Variants in COL21A1 observed in about 807,000 individuals in gnomAD.
COL21A1 encodes the protein collagen alpha-1(XXI) chain.
A neutral mutation model predicts 137.9 loss-of-function variants in COL21A1; 149 were observed. The ratio of observed to expected loss-of-function variants is 1.08; its 90% CI spans 0.95 to 1.24. The LOEUF is 1.24. Among genes scored for constraint, COL21A1 ranks in the 50% most tolerant of loss-of-function variants. The pLI is 0.00. For synonymous variants in COL21A1, 456 were observed against 391.5 expected (o/e 1.16, Z -1.95); for missense variants, 1,167 against 1,158.4 (o/e 1.01, Z -0.11).
In COL21A1 at chr6:56,166,070, TCAA is replaced by T. The variant is rs137887987; in HGVS notation, c.1278+833_1278+835del. Among the ~76,000 whole-genome samples the T allele has an allele frequency of 8.2e-3, 1,250 of 152,134 alleles. 20 individuals are homozygous for T. Among genetic ancestry groups the T allele is most frequent in the African/African-American group, 0.029 (1,202 of 41,510 alleles). ...ACTATAATAAATTTTTACTTAAATATCAACAACAAGAAAAGTATCTATTCATTA... is the reference window on the plus strand; with the variant it reads ...ACTATAATAAATTTTTACTTAAATATCAACAAGAAAAGTATCTATTCATTA... On this transcript the variant is annotated intron_variant, in intron 7 of 29. Transcript: ENST00000244728.
intron 1 of COL21A1, among the ~76,000 whole-genome samples, chr6:56,337,979 T>A (rs1480258924): frequency 7.5e-6 from 1 of 133,134 alleles, no homozygotes; most frequent in East Asian, 2.1e-4. Context: ...TTTTTTTTTT[T>A]TGAGAGGGAG....
chr6:56,069,696 A>G (rs1237710868), intron 21 of COL21A1, among the ~76,000 whole-genome samples: 1 of 150,594 alleles, frequency 6.6e-6, no homozygotes, highest in Admixed American at 6.6e-5. Context: ...ATATATTAAT[A>G]TTATAAAGTT....
chr6:56,181,238 C>T (rs937849592), intron 2 of COL21A1, among the ~76,000 whole-genome samples: 1 of 152,172 alleles, frequency 6.6e-6, no homozygotes, highest in African/African-American at 2.4e-5. Context: ...TCTGCCATGG[C>T]GGCCACTGCC....
chr6:56,072,556 A>G (rs1233750659), intron 20 of COL21A1, among the ~76,000 whole-genome samples: 1 of 151,510 alleles, frequency 6.6e-6, no homozygotes, highest in African/African-American at 2.4e-5. Context: ...GCAGAAAGAA[A>G]CGAATATAGA....
intron 1 of COL21A1, among the ~76,000 whole-genome samples, chr6:56,332,746 T>A (rs1213815745): frequency 6.6e-6 from 1 of 152,020 alleles, no homozygotes; most frequent in Non-Finnish European, 1.5e-5. Flanking sequence ...TACTCAGTTA[T>A]AATTTGCTTT....
chr6:56,112,883 C>T (rs1771576776), intron 16 of COL21A1, among the ~76,000 whole-genome samples: 2 of 151,930 alleles, frequency 1.3e-5, no homozygotes, highest in Admixed American at 6.6e-5. Flanking sequence ...GGGGTTTCTC[C>T]ATGTTGGTCA....
chr6:56,312,124 G>A (rs1764628762), intron 1 of COL21A1, among the ~76,000 whole-genome samples: 4 of 152,172 alleles, frequency 2.6e-5, no homozygotes, highest in Admixed American at 6.6e-5. Context: ...AGAGTATAAG[G>A]ACCATATGCG....
chr6:56,355,066 G>T (rs1272853127), intron 1 of COL21A1, among the ~76,000 whole-genome samples: 1 of 151,910 alleles, frequency 6.6e-6, no homozygotes, highest in Non-Finnish European at 1.5e-5. Flanking sequence ...GGTTCTCGTT[G>T]TAGATTATAC....
chr6:56,224,887 A>G (rs1781090520), intron 1 of COL21A1, among the ~76,000 whole-genome samples: 1 of 151,978 alleles, frequency 6.6e-6, no homozygotes, highest in East Asian at 1.9e-4. Context: ...AATCACACCA[A>G]CCTCTTTTCC....
At chr6:56,200,923 G>A (rs1306321081) in intron 1 of COL21A1, among the ~76,000 whole-genome samples, 1 of 152,174 alleles carries the variant, frequency 6.6e-6, no homozygotes, top group Admixed American at 6.5e-5. Context: ...CCCACCAACA[G>A]TGTAAAAGTG....
chr6:56,346,385 C>T (rs943869685), intron 1 of COL21A1, among the ~76,000 whole-genome samples: 1 of 152,168 alleles, frequency 6.6e-6, no homozygotes, highest in South Asian at 2.1e-4. Flanking sequence ...ATTGTTTGTG[C>T]GTTCCACTCA....
Position 56,126,136 on chromosome 6 carries a change from A to C in COL21A1, c.1556T>G (p.Leu519Arg). The change falls in exon 13 of 30, where the codon CTT becomes CGT. Residue 519 changes from leucine to arginine, a missense_variant. Coordinates refer to ENST00000244728, the MANE Select transcript of COL21A1 (RefSeq NM_030820.4). ...GCCATGAAGCCCAGGAAAACCAGGA[A>C]GTCCACGATCACCCTGAAAATAAAA... is the stretch of plus-strand genomic sequence containing the variant. ...GRDGDKGDRG[L>R]PGFPGLHGMP... 1 of 1,547,984 alleles carries C rather than the reference A, an allele frequency of 6.5e-7. No homozygotes were observed. Among genetic ancestry groups the C allele is most frequent in the South Asian group, 1.2e-5 (1 of 83,248 alleles).
At chr6:56,330,699 C>A (rs1272104424) in intron 1 of COL21A1, among the ~76,000 whole-genome samples, 1 of 152,074 alleles carries the variant, frequency 6.6e-6, no homozygotes, top group Non-Finnish European at 1.5e-5. Context: ...ATCCAATCAT[C>A]CATTGATGGA....
chr6:56,374,670 C>T (rs1046474222), intron 1 of COL21A1, among the ~76,000 whole-genome samples: 2 of 138,234 alleles, frequency 1.4e-5, no homozygotes, highest in African/African-American at 5.5e-5. Context: ...TGCAGTGAGC[C>T]AAGATCGCAT....
At chr6:56,076,978 AAAAG>A (rs1456496729) in intron 18 of COL21A1, among the ~76,000 whole-genome samples, 3 of 151,396 alleles carry the variant, frequency 2.0e-5, no homozygotes, top group African/African-American at 7.3e-5. Flanking sequence ...AAAAGGTTCC[AAAAG>A]AAAGAAACAG....
intron 1 of COL21A1, among the ~76,000 whole-genome samples, chr6:56,393,317 C>A (rs976572553): frequency 6.6e-6 from 1 of 152,102 alleles, no homozygotes; most frequent in African/African-American, 2.4e-5. Context: ...GAAACTTGAC[C>A]CCATCTCTTT....
intron 1 of COL21A1, among the ~76,000 whole-genome samples, chr6:56,388,182 C>T (rs2094022198): frequency 6.6e-6 from 1 of 152,174 alleles, no homozygotes; most frequent in South Asian, 2.1e-4. Flanking sequence ...ATACACTGCC[C>T]TGAAGGGAAG....
intron 17 of COL21A1, among the ~76,000 whole-genome samples, chr6:56,081,352 G>A (rs117592587): frequency 1.3e-5 from 2 of 151,380 alleles, no homozygotes; most frequent in East Asian, 1.9e-4. Context: ...TCCCCCACTC[G>A]GGGACGCCAA....
At chr6:56,206,950 A>C (rs1444812025) in intron 1 of COL21A1, among the ~76,000 whole-genome samples, 1 of 152,006 alleles carries the variant, frequency 6.6e-6, no homozygotes, top group Non-Finnish European at 1.5e-5. Flanking sequence ...CTGGGTAAAT[A>C]ACAAAATGAA....
Sources: allele counts gnomAD v4.1 joint callset (sites outside exome capture counted in the v4.1 genomes callset), GRCh38; gene constraint gnomAD v4.1.1; transcripts MANE v1.5; gene names NCBI Gene and HGNC (gene_info 2026-07-23, HGNC 2026-07-21).